The following MS4A4E variants were observed in gnomAD, a reference collection of about 807,000 sequenced individuals.
MS4A4E encodes the protein membrane spanning 4-domains A4E.
MS4A4E carries 23 observed loss-of-function variants against 13.3 expected under a neutral mutation model. The observed-to-expected ratio is 1.73, with a 90% CI of 1.25 to 2.45. The LOEUF (loss-of-function observed/expected upper bound fraction) is 2.45. Ranked by LOEUF, MS4A4E falls within the 30% of genes most tolerant of loss-of-function variation. The probability of loss-of-function intolerance (pLI) is 0.00; values close to 1 mark genes in which losing one functional copy is unlikely to be tolerated. For synonymous variants in MS4A4E, 36 were observed against 45.6 expected (o/e 0.79, Z 0.85); for missense variants, 144 against 131.2 (o/e 1.10, Z -0.48).
chr11:60,234,039 C>T (rs1426803215), intron 1 of MS4A4E, among the ~76,000 whole-genome samples: 1 of 152,208 alleles, frequency 6.6e-6, no homozygotes, highest in Non-Finnish European at 1.5e-5. Context: ...ATTTTGGACT[C>T]ACTTGAAACC....
chr11:60,208,675 A>C lies in MS4A4E; in HGVS notation c.401T>G (p.Leu134Arg). ...GCAGAATTCCAGCACACTTAAGAGG[A>C]GCACCATGCCATCCGTACCCTAGGA... The part of the protein sequence containing the change: ...SILMGTDGMV[L>R]LLSVLEFCIA... The change falls in exon 6 of 9, where the codon CTC (leucine) becomes CGC (arginine). Residue 134 changes from leucine (L) to arginine (R), a missense_variant. Around this residue, in one of 3 missense-constraint regions of MS4A4E, gnomAD observed 4 missense variants for 17.4 expected, o/e 0.23. Transcript: ENST00000651255. 7.0e-7 allele frequency: 1 copy of C among 1,424,360 alleles called. No individual in the cohort carries two copies. Among genetic ancestry groups the C allele is most frequent in the Non-Finnish European group, 9.7e-7 (1 of 1,026,474 alleles). 88.2% of individuals were successfully genotyped at this position (1,424,360 alleles called of 1,614,324 possible).
intron 1 of MS4A4E, among the ~76,000 whole-genome samples, chr11:60,239,182 C>T (rs1350074303): frequency 6.6e-6 from 1 of 152,178 alleles, no homozygotes; most frequent in Non-Finnish European, 1.5e-5. Context: ...TTTGGCCCTG[C>T]CACTCCTTAC....
chr11:60,213,291 T>C, intron 4 of MS4A4E, 159 bp from the exon 5 acceptor site: 1 of 1,535,482 alleles, frequency 6.5e-7, no homozygotes, highest in Non-Finnish European at 8.7e-7. Context: ...AAAACACAAA[T>C]ATGATCCCAT....
At chr11:60,213,252 T>A in intron 4 of MS4A4E, 120 bp from the exon 5 acceptor site, 1 of 1,529,526 alleles carries the variant, frequency 6.5e-7, no homozygotes, top group South Asian at 1.2e-5. Flanking sequence ...CTTGTCTCCT[T>A]ATAGTGGTTT....
At chr11:60,226,829 GA>G (rs1394499885) in intron 3 of MS4A4E, among the ~76,000 whole-genome samples, 3 of 151,998 alleles carry the variant, frequency 2.0e-5, no homozygotes, top group Non-Finnish European at 2.9e-5. Context: ...AATTGGTAAG[GA>G]AAAAAATAAA....
intron 1 of MS4A4E, among the ~76,000 whole-genome samples, chr11:60,236,462 T>C (rs1044408219): frequency 6.6e-6 from 1 of 152,122 alleles, no homozygotes; most frequent in Non-Finnish European, 1.5e-5. Context: ...GTTTAAATTT[T>C]CTTTAATTTC....
chr11:60,233,217 C>A (rs2084435185), intron 1 of MS4A4E, among the ~76,000 whole-genome samples: 1 of 152,174 alleles, frequency 6.6e-6, no homozygotes, highest in African/African-American at 2.4e-5. Context: ...TTGCCATGCC[C>A]TACCATCCCA....
In MS4A4E at chr11:60,208,581, G is replaced by A; in HGVS notation, c.483+12C>T. ...GTAATACAGATACCTTCAAATGAAG[G>A]CCAATACTGACCTCACTGGGGCTAC... On this transcript the variant is annotated intron_variant, in intron 6 of 8. Transcript: ENST00000651255. 2.0e-6 allele frequency: 2 copies of A among 1,004,996 alleles called. No individual in the cohort carries two copies. Among genetic ancestry groups the A allele is most frequent in the African/African-American group, 3.1e-5 (2 of 63,624 alleles). The allele number at this position is 1,004,996 out of a possible 1,614,324, so 62.3% of individuals were successfully genotyped here.
intron 3 of MS4A4E, among the ~76,000 whole-genome samples, chr11:60,215,166 A>T (rs866592886): frequency 9.1e-4 from 138 of 152,052 alleles, no homozygotes; most frequent in African/African-American, 3.2e-3. Flanking sequence ...AGAGTTTTTT[A>T]TTTCCTTTAC....
At chr11:60,222,368 G>T (rs2084280552) in intron 3 of MS4A4E, among the ~76,000 whole-genome samples, 1 of 152,122 alleles carries the variant, frequency 6.6e-6, no homozygotes, top group African/African-American at 2.4e-5. Context: ...TCATTCTCAT[G>T]GAATTCACTG....
At chr11:60,241,735 T>G (rs2084554692) in intron 1 of MS4A4E, among the ~76,000 whole-genome samples, 1 of 152,188 alleles carries the variant, frequency 6.6e-6, no homozygotes, top group Admixed American at 6.5e-5. Flanking sequence ...AAATATATAT[T>G]TTTTAACTGC....
chr11:60,214,957 T>G (rs1035300595), intron 3 of MS4A4E, among the ~76,000 whole-genome samples: 1 of 152,068 alleles, frequency 6.6e-6, no homozygotes, highest in Non-Finnish European at 1.5e-5. Flanking sequence ...AAACAAAAAA[T>G]GTACTAAAAT....
chr11:60,208,752 T>C, intron 5 of MS4A4E, 58 bp from the exon 6 acceptor site: 1 of 734,942 alleles, frequency 1.4e-6, no homozygotes, highest in East Asian at 2.8e-5. Context: ...GTGAAAACAT[T>C]TCCCAGCAAC....
chr11:60,239,281 G>C (rs650926), intron 1 of MS4A4E, among the ~76,000 whole-genome samples: 136,202 of 152,294 alleles, frequency 0.89, 61,277 homozygotes, highest in Non-Finnish European at 0.94. Flanking sequence ...AAATAGCACA[G>C]GTAAACATTT....
chr11:60,225,125 C>A, intron 3 of MS4A4E: 1 of 1,476,974 alleles, frequency 6.8e-7, no homozygotes. Flanking sequence ...ACTGATTATC[C>A]ACCACAAAAA....
At chr11:60,239,632 T>C (rs951357052) in intron 1 of MS4A4E, among the ~76,000 whole-genome samples, 1 of 152,210 alleles carries the variant, frequency 6.6e-6, no homozygotes, top group Non-Finnish European at 1.5e-5. Context: ...TTGTTTTTGC[T>C]CTCATGGACT....
At chr11:60,229,823 G>A (rs11230203) in intron 2 of MS4A4E, 89 bp downstream of exon 2, 174,545 of 1,335,256 alleles carry the variant, frequency 0.13, 12,247 homozygotes, top group African/African-American at 0.23. Context: ...GTATTATGAG[G>A]CTAGCGGGAC....
chr11:60,212,359 G>T (rs2084133478), intron 5 of MS4A4E, among the ~76,000 whole-genome samples: 1 of 147,466 alleles, frequency 6.8e-6, no homozygotes, highest in Non-Finnish European at 1.5e-5. Flanking sequence ...GCCCAGGCCA[G>T]ACTGCAGTGG....
intron 1 of MS4A4E, among the ~76,000 whole-genome samples, chr11:60,240,278 C>A (rs990759478): frequency 1.3e-5 from 2 of 152,192 alleles, no homozygotes; most frequent in Middle Eastern, 3.2e-3. Flanking sequence ...CCGTTACATA[C>A]CTTCTATGCT....
Sources: allele counts gnomAD v4.1 joint callset (sites outside exome capture counted in the v4.1 genomes callset), GRCh38; gene constraint gnomAD v4.1.1; regional missense constraint gnomAD v4.1.1; transcripts MANE v1.5; gene names NCBI Gene and HGNC (gene_info 2026-07-23, HGNC 2026-07-21).